The following MXRA5 variants were observed in gnomAD, a reference collection of about 807,000 sequenced individuals.
MXRA5 encodes the protein matrix remodeling associated 5.
In MXRA5, 41 loss-of-function variants were observed where a neutral mutation model predicts 112.5. That is an observed-to-expected ratio of 0.36 (90% CI 0.28 to 0.47). The LOEUF is 0.47. Among genes scored for constraint, MXRA5 ranks in the 20% least tolerant of loss-of-function variants. The pLI is 0.99. For missense variants in MXRA5, 2,150 were observed against 2,251.0 expected (o/e 0.96, Z 0.91); for synonymous variants, 862 against 900.8 (o/e 0.96, Z 0.77).
In MXRA5 at chrX:3,323,704, G is replaced by T. The variant is rs1251560015; in HGVS notation, c.1981C>A (p.His661Asn). The change falls in exon 5 of 7, where the codon CAT becomes AAT. Residue 661 changes from histidine (H) to asparagine (N), a missense_variant. His to Asn is a moderately conservative substitution (Grantham distance 68). Transcript: ENST00000217939. ...GTCACTGTGATTCCCACCGTAAAAT[G>T]GTCTGCCCCTTGCTGGTTGACAGCC... ...CVAVNQQGAD[H>N]FTVGITVTKK... 9 of 1,208,767 alleles carry T rather than the reference G, an allele frequency of 7.4e-6. No homozygotes were observed. The African/African-American group carries it at 1.0e-4, about 14-fold the overall frequency.
Position 3,323,375 on chromosome X carries a change from C to T in MXRA5, c.2310G>A (p.Arg770=). ...TAATCTGTTTGTTTGCCATGTTTAT[C>T]CTTCGTCTAGATTCAAACACTCTGC... ...EGRRVFESRR[R]INMANKQINP... Residue 770 remains arginine (R), a synonymous_variant, in exon 5 of 7, where the codon AGG becomes AGA. Transcript: ENST00000217939. 2 of 1,211,709 alleles carry T rather than the reference C, an allele frequency of 1.7e-6. No homozygotes were observed. Among genetic ancestry groups the T allele is most frequent in the East Asian group, 3.0e-5 (1 of 33,835 alleles).
chrX:3,346,600 G>C lies in MXRA5; in HGVS notation c.-114C>G, dbSNP rs1922115073. 5.4e-6 allele frequency: 4 copies of C among 746,779 alleles called. No individual in the cohort carries two copies. Among genetic ancestry groups the C allele is most frequent in the Non-Finnish European group, 4.7e-6 (3 of 633,062 alleles). The allele number at this position is 746,779 out of a possible 1,213,427, so 61.5% of individuals were successfully genotyped here. A position where few individuals can be genotyped will look rare whatever the true frequency, so the allele number is the denominator to read the frequency against. On this transcript the variant is annotated 5_prime_UTR_variant, in exon 1 of 7. Coordinates refer to ENST00000217939, the MANE Select transcript of MXRA5 (RefSeq NM_015419.4). The stretch of plus-strand genomic sequence containing the variant: ...GCGCGCGAGTCACGGCCGGGAGTTT[G>C]CCGGGGCCATGCCCTTCCCGGGGCC...
chrX:3,320,655 T>C lies in MXRA5; in HGVS notation c.5030A>G (p.His1677Arg). Residue 1677 changes from histidine to arginine, a missense_variant, in exon 5 of 7, where the codon CAC becomes CGC. By Grantham distance (29) the His-to-Arg change is conservative. Around this residue, in one of 6 missense-constraint regions of MXRA5, gnomAD observed 1,485 missense variants for 1,471.6 expected, o/e 1.01. Transcript: ENST00000217939. ...LSSTTIPLPL[H>R]MSKPSIPSKF... Reference sequence around the variant, plus strand: ...ACTAGGAATGCTGGGTTTGGACATGTGCAATGGGAGAGGAATTGTTGTACT... The same window carrying C: ...ACTAGGAATGCTGGGTTTGGACATGCGCAATGGGAGAGGAATTGTTGTACT... 8.3e-7 allele frequency: 1 copy of C among 1,211,931 alleles called. No individual in the cohort carries two copies. Among genetic ancestry groups the C allele is most frequent in the South Asian group, 1.8e-5 (1 of 56,989 alleles).
chrX:3,343,813 C>T lies in MXRA5; in HGVS notation c.21G>A (p.Trp7Ter). ...GGATCAGCACCACGGAGAGGGCCCC[C>T]CAGTGCGCGCGCTTGGGCATCTTGT... Reference protein sequence around the residue: MPKRAHWGALSVVLILL... With the variant: MPKRAH The change falls in exon 2 of 7, where the codon TGG (tryptophan) becomes TGA (stop). Residue 7 changes from tryptophan (W) to a stop codon, truncating the protein, a stop_gained. Coordinates refer to ENST00000217939, the MANE Select transcript of MXRA5 (RefSeq NM_015419.4). LOFTEE classifies it high-confidence loss of function. The T allele has an allele frequency of 8.3e-7, 1 of 1,205,597 alleles. No homozygotes were observed. The highest frequency in any genetic ancestry group is 1.1e-6 in the Non-Finnish European group (1 of 891,496).
chrX:3,342,715 C>A (rs1569189149), intron 2 of MXRA5, among the ~76,000 whole-genome samples: 1 of 112,524 alleles, frequency 8.9e-6, no homozygotes, highest in African/African-American at 3.2e-5. Context: ...ACTCCCTCAA[C>A]ACTTCATTCC....
Position 3,311,139 on chromosome X carries a change from G to C in MXRA5, c.7064C>G (p.Ala2355Gly). Residue 2355 changes from alanine to glycine, a missense_variant, in exon 7 of 7, where the codon GCG becomes GGG. Physicochemically the swap from Ala to Gly is moderately conservative, Grantham distance 60. Transcript: ENST00000217939. Reference sequence around the variant, plus strand: ...CACGTCTCCATAGGGCACCTGAACCGCCAAGTAAGTCTTGTTCCGGATGGT... The same window carrying C: ...CACGTCTCCATAGGGCACCTGAACCCCCAAGTAAGTCTTGTTCCGGATGGT... ...PATIRNKTYL[A>G]VQVPYGDVVT... 6 of 1,211,460 alleles carry C rather than the reference G, an allele frequency of 5.0e-6. No individual in the cohort carries two copies. Among genetic ancestry groups the C allele is most frequent in the Non-Finnish European group, 6.7e-6 (6 of 895,432 alleles).
Position 3,345,504 on chromosome X carries a change from C to T in MXRA5, c.-29+1011G>A, listed in dbSNP as rs770746496. ...TGCCTGCGGGCGGACTTGGCCCGGGCGTTCCATAGGACTCTTCAGCCCCAA... is the reference window on the plus strand; with the variant it reads ...TGCCTGCGGGCGGACTTGGCCCGGGTGTTCCATAGGACTCTTCAGCCCCAA... On this transcript the variant is annotated intron_variant, in intron 1 of 6. Coordinates refer to ENST00000217939, the MANE Select transcript of MXRA5 (RefSeq NM_015419.4). Among the ~76,000 whole-genome samples, 3 of 113,011 alleles carry T rather than the reference C, an allele frequency of 2.7e-5. No individual in the cohort carries two copies. In the Admixed American group the frequency reaches 2.8e-4, roughly 10 times the overall value.
intron 4 of MXRA5, among the ~76,000 whole-genome samples, chrX:3,325,719 A>G (rs1336965567): frequency 3.9e-5 from 2 of 51,868 alleles, no homozygotes; most frequent in Non-Finnish European, 9.6e-5. Flanking sequence ...AAGTATTTTC[A>G]GGTAAAAGGA....
At chrX:3,325,537 CATAT>C (rs1921437891) in intron 4 of MXRA5, among the ~76,000 whole-genome samples, 2 of 103,079 alleles carry the variant, frequency 1.9e-5, no homozygotes, top group East Asian at 5.8e-4. Context: ...ATATATAATA[CATAT>C]ATATTTATAT....
chrX:3,327,404 T>C (rs906010847), intron 4 of MXRA5, among the ~76,000 whole-genome samples: 2 of 112,368 alleles, frequency 1.8e-5, no homozygotes, highest in African/African-American at 6.5e-5. Flanking sequence ...CTTGGCCAGC[T>C]GAATTTCATG....
rs1188784041 is a variant in MXRA5 at position 3,322,472 on chromosome X, A to G, written c.3213T>C (p.Asn1071=). 8.3e-7 allele frequency: 1 copy of G among 1,209,016 alleles called. No homozygotes were observed. The highest frequency in any genetic ancestry group is 1.8e-5 in the African/African-American group (1 of 56,847). The change falls in exon 5 of 7, where the codon AAT becomes AAC. Residue 1071 remains asparagine, a synonymous_variant. Transcript: ENST00000217939. ...AGTGTGTGGGGTCTCCCTCTAGCAT[A>G]TTTCCTCCCTGTAGTGTCTGAGACA... is the stretch of plus-strand genomic sequence containing the variant. The part of the protein sequence containing the change: ...KEMSQTLQGG[N]MLEGDPTHSR...
rs1921268088 is a variant in MXRA5, at chrX:3,320,486, A to G, written c.5199T>C (p.Phe1733=). ...GTGGAAAAGAAAGAGTCTTGTTGGT[A>G]AAGAAAGGGAGTCTTCCATTGGAAT... ...PHYSNGRLPF[F]TNKTLSFPQL... The change falls in exon 5 of 7, where the codon TTT becomes TTC. Residue 1733 remains phenylalanine, a synonymous_variant. Coordinates refer to ENST00000217939, the MANE Select transcript of MXRA5 (RefSeq NM_015419.4). The G allele has an allele frequency of 8.3e-7, 1 of 1,211,249 alleles. No individual in the cohort carries two copies.
intron 4 of MXRA5, among the ~76,000 whole-genome samples, chrX:3,328,347 T>C (rs759803631): frequency 1.9e-4 from 21 of 112,217 alleles, no homozygotes; most frequent in African/African-American, 6.8e-4. Context: ...GGGAAGACTG[T>C]GTGGCTAGAA....
intron 6 of MXRA5, among the ~76,000 whole-genome samples, chrX:3,315,575 C>G (rs1921094894): frequency 9.2e-6 from 1 of 109,226 alleles, no homozygotes; most frequent in Admixed American, 9.8e-5. Flanking sequence ...ACCCACTGCC[C>G]CATTTGTGAT....
At chrX:3,328,165 G>C (rs1001642747) in intron 4 of MXRA5, among the ~76,000 whole-genome samples, 1 of 112,379 alleles carries the variant, frequency 8.9e-6, no homozygotes, top group African/African-American at 3.2e-5. Flanking sequence ...ACAAGTGGGT[G>C]TACCTCTGTC....
intron 4 of MXRA5, 134 bp from the exon 5 acceptor site, chrX:3,325,109 A>T: frequency 1.0e-5 from 8 of 776,749 alleles, no homozygotes; most frequent in Non-Finnish European, 1.2e-5. Context: ...AATCCTATAC[A>T]TGAGTTGCCT....
chrX:3,336,847 C>G (rs908625731), intron 2 of MXRA5, among the ~76,000 whole-genome samples: 3 of 111,452 alleles, frequency 2.7e-5, no homozygotes, highest in Non-Finnish European at 5.6e-5. Context: ...GAACTTCGCT[C>G]AATATGAAAC....
Position 3,324,165 on chromosome X carries a change from T to C in MXRA5, c.1520A>G (p.Glu507Gly), listed in dbSNP as rs199970279. The change falls in exon 5 of 7, where the codon GAG (glutamate) becomes GGG (glycine). Residue 507 changes from glutamate (E) to glycine (G), a missense_variant. Around this residue, in one of 6 missense-constraint regions of MXRA5, gnomAD observed 386 missense variants for 411.0 expected, o/e 0.94. Transcript: ENST00000217939. ...AAGCACCCAGAAGATAGATGGACTC[T>C]CAGAAGCTTTCACGTTGCAGCTCAA... Reference protein sequence around the residue: ...CQLSCNVKASESPSIFWVLPD... With the variant: ...CQLSCNVKASGSPSIFWVLPD... 141 of 1,209,532 alleles carry C rather than the reference T, an allele frequency of 1.2e-4. 1 individual carries two copies. Among genetic ancestry groups the C allele is most frequent in the Admixed American group, 3.5e-4 (16 of 45,626 alleles).
intron 2 of MXRA5, among the ~76,000 whole-genome samples, chrX:3,339,270 T>C (rs1921860467): frequency 9.1e-6 from 1 of 109,337 alleles, no homozygotes; most frequent in South Asian, 4.1e-4. Flanking sequence ...GTTGTTTTAT[T>C]TTTTTGTTTT....
Sources: gnomAD v4.1 joint callset for allele counts (sites outside exome capture counted in the v4.1 genomes callset) on GRCh38, gnomAD v4.1.1 for gene constraint, gnomAD v4.1.1 regional missense constraint, MANE v1.5 for transcripts, NCBI Gene and HGNC (gene_info 2026-07-23, HGNC 2026-07-21) for gene names.